TRPM2: variants seen among roughly 807,000 people sequenced by gnomAD.
The protein encoded by TRPM2 is transient receptor potential cation channel subfamily M member 2.
A neutral mutation model predicts 174.0 loss-of-function variants in TRPM2; 161 were observed. That is an observed-to-expected ratio of 0.93 (90% CI 0.81 to 1.05). The LOEUF is 1.05. Ranked by LOEUF, TRPM2 falls within the 50% of genes least tolerant of loss-of-function variation. The pLI, the probability that TRPM2 is intolerant of heterozygous loss-of-function variation, is 0.00. For synonymous variants in TRPM2, 954 were observed against 861.3 expected, an observed-to-expected ratio of 1.11 and a Z score of -1.88; for missense variants, 2,057 against 2,038.0, an observed-to-expected ratio of 1.01 and a Z score of -0.18.
At chr21:44,400,639 G>A (rs535909270) in intron 15 of TRPM2, among the ~76,000 whole-genome samples, 7 of 152,368 alleles carry the variant, frequency 4.6e-5, no homozygotes, top group African/African-American at 1.7e-4. Context: ...GGGTTGGGGA[G>A]GCCAGGAAAG....
chr21:44,430,454 G>T lies in TRPM2; in HGVS notation c.3974+3343G>T, dbSNP rs537082164. On this transcript the variant is annotated intron_variant, in intron 27 of 31. Coordinates refer to ENST00000397928, the MANE Select transcript of TRPM2 (RefSeq NM_003307.4). ...TTTTTTTTTTTTGAGACGGAGTCTCGCTCTGTCGCCCAGGCCAGACTGCGG... is the reference window on the plus strand; with the variant it reads ...TTTTTTTTTTTTGAGACGGAGTCTCTCTCTGTCGCCCAGGCCAGACTGCGG... Among the ~76,000 whole-genome samples, 8 of 6,176 alleles carry T rather than the reference G, an allele frequency of 1.3e-3. 3 individuals are homozygous for T. The South Asian group carries it at 0.032, about 25-fold the overall frequency. The allele number at this position is 6,176 out of a possible 152,430, so 4.1% of individuals were successfully genotyped here.
rs1178920780 is a variant in TRPM2, at chr21:44,439,311, C to T, written c.4269+143C>T. ...TCACCAGGTGACGGTGGTCCCAGCC[C>T]CTGCCCCCACGTTGCACAGCTCCCA... On this transcript the variant is annotated intron_variant, in intron 30 of 31. Transcript: ENST00000397928. This position sits in a 1 kb window ranked among gnomAD's most constrained non-coding sequence, Gnocchi z 5.1. The T allele has an allele frequency of 2.9e-6, 2 of 695,384 alleles. No individual in the cohort carries two copies. The highest frequency in any genetic ancestry group is 1.8e-5 in the African/African-American group (1 of 56,368). 43.1% of individuals were successfully genotyped at this position (695,384 alleles called of 1,614,324 possible).
chr21:44,372,150 G>A (rs954495787), intron 5 of TRPM2, among the ~76,000 whole-genome samples: 1 of 149,694 alleles, frequency 6.7e-6, no homozygotes, highest in Non-Finnish European at 1.5e-5. Flanking sequence ...CAAACAAAAT[G>A]ATCCCCTCCA....
chr21:44,390,814 T>G, intron 9 of TRPM2, 90 bp from the exon 10 acceptor site: 3 of 1,572,828 alleles, frequency 1.9e-6, no homozygotes, highest in Non-Finnish European at 2.6e-6. Context: ...CAAGGGCTCA[T>G]GACACATCCC....
chr21:44,382,654 TGTCCTGGA>T, intron 8 of TRPM2, 56 bp from the exon 9 acceptor site: 1 of 1,517,974 alleles, frequency 6.6e-7, no homozygotes, highest in Non-Finnish European at 9.0e-7. Flanking sequence ...CAATTCTATG[TGTCCTGGA>T]GGAGGCAGGG....
intron 8 of TRPM2, among the ~76,000 whole-genome samples, chr21:44,381,587 T>C (rs906356321): frequency 6.6e-6 from 1 of 151,494 alleles, no homozygotes; most frequent in Non-Finnish European, 1.5e-5. Flanking sequence ...GATGGATGGA[T>C]GGATAGATAG....
In TRPM2 at chr21:44,441,762, C is replaced by T. The variant is rs143422459; in HGVS notation, c.4457C>T (p.Ala1486Val). Residue 1486 changes from alanine (A) to valine (V), a missense_variant, in exon 32 of 32, where the codon GCG becomes GTG. By Grantham distance (64) the Ala-to-Val change is moderately conservative. Transcript: ENST00000397928. Reference sequence around the variant, plus strand: ...GTGGACAGGCGCATCCCACTCTATGCGAACCACAAGACCCTCCTCCAGAAG... The same window carrying T: ...GTGGACAGGCGCATCCCACTCTATGTGAACCACAAGACCCTCCTCCAGAAG... The part of the protein sequence containing the change: ...QVVDRRIPLY[A>V]NHKTLLQKAA... 172 of 1,611,838 alleles carry T rather than the reference C, an allele frequency of 1.1e-4. 1 individual carries two copies. In the African/African-American group the frequency reaches 1.3e-3, roughly 12 times the overall value.
At chr21:44,361,978 G>A (rs558707107) in intron 2 of TRPM2, among the ~76,000 whole-genome samples, 47 of 152,274 alleles carry the variant, frequency 3.1e-4, no homozygotes, top group African/African-American at 1.0e-3. Flanking sequence ...CAAAGTGTTC[G>A]GATTACAGGC....
In TRPM2 at chr21:44,424,862, C is replaced by G. The variant is rs752468573; in HGVS notation, c.3560C>G (p.Thr1187Arg). 9 of 1,600,300 alleles carry G rather than the reference C, an allele frequency of 5.6e-6. No individual in the cohort carries two copies. The highest frequency in any genetic ancestry group is 1.1e-5 in the South Asian group (1 of 88,776). Residue 1187 changes from threonine to arginine, a missense_variant, in exon 24 of 32, where the codon ACA becomes AGA. Physicochemically the swap from Thr to Arg is moderately conservative, Grantham distance 71. Transcript: ENST00000397928. Reference sequence around the variant, plus strand: ...GGCCATGCCTTCCAGGTGGCCCAGACAGCCCAAGCCCTGCACTGGATCGTG... The same window carrying G: ...GGCCATGCCTTCCAGGTGGCCCAGAGAGCCCAAGCCCTGCACTGGATCGTG... ...LASLEEQVAQ[T>R]AQALHWIVRT...
At position 44,405,223 on chromosome 21, in the gene TRPM2, G is replaced by C; in HGVS notation, c.2620G>C (p.Gly874Arg). 6.2e-7 allele frequency: 1 copy of C among 1,613,360 alleles called. No homozygotes were observed. The highest frequency in any genetic ancestry group is 1.3e-5 in the African/African-American group (1 of 75,028). ...FSDFWNKLDV[G>R]AILLFVAGLT... Reference sequence around the variant, plus strand: ...TGACTTCTGGAATAAGCTGGACGTCGGCGCAATCTTGCTCTTCGTGGCAGG... The same window carrying C: ...TGACTTCTGGAATAAGCTGGACGTCCGCGCAATCTTGCTCTTCGTGGCAGG... The change falls in exon 17 of 32, where the codon GGC becomes CGC. Residue 874 changes from glycine (G) to arginine (R), a missense_variant. Transcript: ENST00000397928.
intron 25 of TRPM2, among the ~76,000 whole-genome samples, 192 bp from the exon 26 acceptor site, chr21:44,426,468 C>T (rs2050781202): frequency 6.6e-6 from 1 of 151,990 alleles, no homozygotes; most frequent in Non-Finnish European, 1.5e-5. Context: ...GGTCCCTGAT[C>T]CCAGCCCCCG....
At chr21:44,414,219 T>C in intron 20 of TRPM2, 145 bp downstream of exon 20, 3 of 1,085,034 alleles carry the variant, frequency 2.8e-6, no homozygotes, top group Non-Finnish European at 2.7e-6. Context: ...CCTGGTGGAG[T>C]GTGCACAGCC....
At chr21:44,425,957 C>G in intron 25 of TRPM2, 130 bp downstream of exon 25, 1 of 1,218,664 alleles carries the variant, frequency 8.2e-7, no homozygotes. Flanking sequence ...ATCTGTGCGT[C>G]TGGCAGCCCC....
chr21:44,380,389 G>A lies in TRPM2; in HGVS notation c.1215+1192G>A, dbSNP rs575839690. Among the ~76,000 whole-genome samples, 14 of 152,302 alleles carry A rather than the reference G, an allele frequency of 9.2e-5. 1 individual carries two copies. In the South Asian group the frequency reaches 1.9e-3, roughly 20 times the overall value. Reference sequence around the variant, plus strand: ...GTCAGGGCGGCTTTCCTTCCTTCCCGGTGCCATTGGGACTTGTCGGGCGGG... The same window carrying A: ...GTCAGGGCGGCTTTCCTTCCTTCCCAGTGCCATTGGGACTTGTCGGGCGGG... On this transcript the variant is annotated intron_variant, in intron 8 of 31. Transcript: ENST00000397928.
rs1214132700 is a variant in TRPM2, at chr21:44,399,621, TG to T, written c.2208+186del. Among the ~76,000 whole-genome samples the T allele has an allele frequency of 1.3e-5, 2 of 152,050 alleles. No homozygotes were observed. The highest frequency in any genetic ancestry group is 3.9e-4 in the East Asian group (2 of 5,180). On this transcript the variant is annotated intron_variant, in intron 14 of 31. Coordinates refer to ENST00000397928, the MANE Select transcript of TRPM2 (RefSeq NM_003307.4). This position sits in a 1 kb window ranked among gnomAD's most constrained non-coding sequence, Gnocchi z 4.6. Reference sequence around the variant, plus strand: ...AGGCTCTGGCCTCCCATTTTGCAGATGGGGGGAAGCTAACATGAAGCAAAAG... The same window carrying T: ...AGGCTCTGGCCTCCCATTTTGCAGATGGGGGAAGCTAACATGAAGCAAAAG...
At chr21:44,351,736 T>A (rs1291502026), upstream of TRPM2, among the ~76,000 whole-genome samples, 1 of 152,154 alleles carries the variant, frequency 6.6e-6, no homozygotes, top group Non-Finnish European at 1.5e-5. Context: ...GGTCGAGCCA[T>A]TGGCCCCCCC....
intron 28 of TRPM2, among the ~76,000 whole-genome samples, chr21:44,435,484 C>T (rs879785188): frequency 2.0e-5 from 3 of 152,162 alleles, no homozygotes; most frequent in Admixed American, 2.0e-4. Flanking sequence ...CCTGCCGGTC[C>T]CTGCCCATTA....
chr21:44,414,935 C>T (rs1438140097), intron 20 of TRPM2: 2 of 152,310 alleles, frequency 1.3e-5, no homozygotes, highest in East Asian at 1.9e-4. Flanking sequence ...CTTCTTTTCC[C>T]GTCTGCCATC....
chr21:44,439,743 A>G lies in TRPM2; in HGVS notation c.4269+575A>G, dbSNP rs2051421232. ...TTTTTTTTAATTTTTATTTTTGGAAACAAGGTCTTATTCTGTCACCCAGGC... is the reference window on the plus strand; with the variant it reads ...TTTTTTTTAATTTTTATTTTTGGAAGCAAGGTCTTATTCTGTCACCCAGGC... On this transcript the variant is annotated intron_variant, in intron 30 of 31. Coordinates refer to ENST00000397928, the MANE Select transcript of TRPM2 (RefSeq NM_003307.4). The surrounding 1 kb of genome is among the most constrained non-coding windows in gnomAD (Gnocchi z 5.1). 6.6e-6 allele frequency among the ~76,000 whole-genome samples: 1 copy of G among 152,058 alleles called. No homozygotes were observed.
Sources: allele counts gnomAD v4.1 joint callset (sites outside exome capture counted in the v4.1 genomes callset), GRCh38; gene constraint gnomAD v4.1.1; non-coding constraint Gnocchi (gnomAD v3.1); transcripts MANE v1.5; gene names NCBI Gene and HGNC (gene_info 2026-07-23, HGNC 2026-07-21).